GABRB1: variants seen among roughly 807,000 people sequenced by gnomAD.
The protein encoded by GABRB1 is gamma-aminobutyric acid type A receptor subunit beta1.
GABRB1 carries 17 observed loss-of-function variants against 51.6 expected under a neutral mutation model. The ratio of observed to expected loss-of-function variants is 0.33; its 90% CI spans 0.23 to 0.49. GABRB1 has a LOEUF of 0.49. GABRB1 is among the 20% of genes least tolerant of loss of function. The pLI is 0.99. For synonymous variants in GABRB1, 247 were observed against 218.9 expected (o/e 1.13, Z -1.14); for missense variants, 410 against 600.6 (o/e 0.68, Z 3.32).
chr4:47,165,305 T>G (rs1661317841), intron 4 of GABRB1, among the ~76,000 whole-genome samples: 1 of 152,044 alleles, frequency 6.6e-6, no homozygotes, highest in African/African-American at 2.4e-5. Context: ...CTCCCCCATT[T>G]TATCTACCTC....
rs543009614 is a variant in GABRB1 at position 47,061,094 on chromosome 4, T to G, written c.240+28610T>G. 1.4e-4 allele frequency among the ~76,000 whole-genome samples: 22 copies of G among 152,358 alleles called. No homozygotes were observed. In the East Asian group the frequency reaches 2.1e-3, roughly 15 times the overall value. On this transcript the variant is annotated intron_variant, in intron 3 of 8. Transcript: ENST00000295454. The stretch of plus-strand genomic sequence containing the variant: ...TATTTTGCTAGGAAAATAATAATGC[T>G]TCACATAATTCTATTTTTCTAAAGG...
intron 5 of GABRB1, among the ~76,000 whole-genome samples, chr4:47,383,387 G>A (rs1334039674): frequency 6.6e-6 from 1 of 152,110 alleles, no homozygotes; most frequent in Non-Finnish European, 1.5e-5. Flanking sequence ...CCACAGATGA[G>A]AAAGGCATCC....
At chr4:47,176,564 T>C (rs1348469001) in intron 4 of GABRB1, among the ~76,000 whole-genome samples, 2 of 152,060 alleles carry the variant, frequency 1.3e-5, no homozygotes, top group African/African-American at 4.8e-5. Context: ...GAGAGGTTGA[T>C]TGGCAGTTGC....
intron 3 of GABRB1, among the ~76,000 whole-genome samples, chr4:47,058,050 T>C (rs1196100586): frequency 2.0e-5 from 3 of 152,090 alleles, no homozygotes; most frequent in Non-Finnish European, 4.4e-5. Flanking sequence ...GAATAAGCAA[T>C]AGTAAAATCT....
chr4:47,242,229 T>C (rs1721552334), intron 4 of GABRB1, among the ~76,000 whole-genome samples: 1 of 152,224 alleles, frequency 6.6e-6, no homozygotes, highest in African/African-American at 2.4e-5. Context: ...TCCTTTCTTA[T>C]GGCTGCATAG....
chr4:47,089,844 G>T lies in GABRB1; in HGVS notation c.240+57360G>T, dbSNP rs539274981. On this transcript the variant is annotated intron_variant, in intron 3 of 8. Coordinates refer to ENST00000295454, the MANE Select transcript of GABRB1 (RefSeq NM_000812.4). The stretch of plus-strand genomic sequence containing the variant: ...AATAGAATATTATTAAGAAAATAAA[G>T]CTTCACTAGTAATTACATTTAAAAA... 3.9e-5 allele frequency among the ~76,000 whole-genome samples: 6 copies of T among 152,140 alleles called. No homozygotes were observed. The East Asian group carries it at 9.6e-4, about 24-fold the overall frequency.
At chr4:47,020,186 T>A (rs1724889839) in intron 1 of GABRB1, among the ~76,000 whole-genome samples, 1 of 152,026 alleles carries the variant, frequency 6.6e-6, no homozygotes, top group Non-Finnish European at 1.5e-5. Context: ...ATGTATGGTG[T>A]CTCCTCTTTT....
At chr4:46,997,860 A>C (rs1056316808) in intron 1 of GABRB1, among the ~76,000 whole-genome samples, 3 of 152,212 alleles carry the variant, frequency 2.0e-5, no homozygotes, top group African/African-American at 7.2e-5. Flanking sequence ...TATCTTGACT[A>C]TTATGAATAA....
intron 4 of GABRB1, among the ~76,000 whole-genome samples, chr4:47,249,931 G>A (rs1721918641): frequency 1.3e-5 from 2 of 152,124 alleles, no homozygotes; most frequent in South Asian, 2.1e-4. Context: ...TACATTCAAT[G>A]TTAGTATTGA....
intron 3 of GABRB1, among the ~76,000 whole-genome samples, chr4:47,130,103 C>T (rs1254346676): frequency 2.6e-5 from 4 of 152,166 alleles, no homozygotes; most frequent in Non-Finnish European, 2.9e-5. Context: ...CTAACTGTCT[C>T]CATAGCATTT....
At chr4:47,213,426 C>T (rs1327900299) in intron 4 of GABRB1, among the ~76,000 whole-genome samples, 3 of 151,456 alleles carry the variant, frequency 2.0e-5, no homozygotes, top group Non-Finnish European at 4.4e-5. Context: ...CATTCGCTCT[C>T]TCTCTCTCTC....
At chr4:47,327,449 T>C (rs1055515385) in intron 5 of GABRB1, among the ~76,000 whole-genome samples, 3 of 152,236 alleles carry the variant, frequency 2.0e-5, no homozygotes, top group African/African-American at 4.8e-5. Flanking sequence ...TATATTACTT[T>C]AGGAATTTTG....
intron 3 of GABRB1, among the ~76,000 whole-genome samples, chr4:47,050,428 C>CAT (rs1560511604): frequency 1.4e-5 from 2 of 138,894 alleles, no homozygotes; most frequent in Non-Finnish European, 3.3e-5. Context: ...TATGTATATA[C>CAT]GTATATATAT....
intron 3 of GABRB1, among the ~76,000 whole-genome samples, chr4:47,107,664 G>A (rs963180772): frequency 8.6e-5 from 13 of 152,006 alleles, no homozygotes; most frequent in African/African-American, 2.7e-4. Flanking sequence ...ATATATGAAC[G>A]TATGTTAAGC....
At chr4:47,372,641 T>C (rs1168643068) in intron 5 of GABRB1, among the ~76,000 whole-genome samples, 1 of 152,222 alleles carries the variant, frequency 6.6e-6, no homozygotes, top group Admixed American at 6.5e-5. Context: ...TCTGTCACCC[T>C]GCTTTTCTTT....
intron 4 of GABRB1, among the ~76,000 whole-genome samples, chr4:47,217,846 T>C (rs116567461): frequency 0.014 from 2,085 of 151,854 alleles, 30 homozygotes; most frequent in Non-Finnish European, 0.019. Context: ...GGAAACACAA[T>C]CTTCTCTTCT....
chr4:47,295,728 C>T (rs919351380), intron 4 of GABRB1, among the ~76,000 whole-genome samples: 1 of 152,118 alleles, frequency 6.6e-6, no homozygotes, highest in Non-Finnish European at 1.5e-5. Flanking sequence ...GCAAGGCAGG[C>T]CAACATTCAG....
chr4:47,221,972 A>G (rs528722818), intron 4 of GABRB1, among the ~76,000 whole-genome samples: 1 of 152,130 alleles, frequency 6.6e-6, no homozygotes, highest in African/African-American at 2.4e-5. Flanking sequence ...TCTGGTGCTT[A>G]AGAACACCAG....
chr4:47,371,851 C>A (rs541954187), intron 5 of GABRB1, among the ~76,000 whole-genome samples: 1 of 151,812 alleles, frequency 6.6e-6, no homozygotes, highest in Non-Finnish European at 1.5e-5. Context: ...CTTTGTCAGA[C>A]GGATAGATGG....
Sources: allele counts gnomAD v4.1 joint callset (sites outside exome capture counted in the v4.1 genomes callset), GRCh38; gene constraint gnomAD v4.1.1; transcripts MANE v1.5; gene names NCBI Gene and HGNC (gene_info 2026-07-23, HGNC 2026-07-21).